ATRN: variants seen among roughly 807,000 people sequenced by gnomAD.
The protein encoded by ATRN is attractin.
ATRN carries 54 observed loss-of-function variants against 178.7 expected under a neutral mutation model. The observed-to-expected ratio is 0.30, with a 90% CI of 0.24 to 0.38. The LOEUF (loss-of-function observed/expected upper bound fraction) is 0.38. Among genes scored for constraint, ATRN ranks in the 10% least tolerant of loss-of-function variants. The probability of loss-of-function intolerance (pLI) is 1.00; values close to 1 mark genes in which losing one functional copy is unlikely to be tolerated. For synonymous variants in ATRN, 636 were observed against 663.0 expected, an observed-to-expected ratio of 0.96 and a Z score of 0.63; for missense variants, 1,443 against 1,815.1, an observed-to-expected ratio of 0.79 and a Z score of 3.73.
Position 3,582,285 on chromosome 20 carries a change from C to T in ATRN, c.2695C>T (p.Pro899Ser), listed in dbSNP as rs1259361425. 6.2e-7 allele frequency: 1 copy of T among 1,612,972 alleles called. No individual in the cohort carries two copies. Among genetic ancestry groups the T allele is most frequent in the East Asian group, 2.2e-5 (1 of 44,878 alleles). Reference sequence around the variant, plus strand: ...TGGATTCTGTGGAATTTTATCAGAACCCAGTACTCGGGGACTGAAGGCTGC... The same window carrying T: ...TGGATTCTGTGGAATTTTATCAGAATCCAGTACTCGGGGACTGAAGGCTGC... ...DAGFCGILSE[P>S]STRGLKAATC... The change falls in exon 16 of 29, where the codon CCC (proline) becomes TCC (serine). Residue 899 changes from proline (P) to serine (S), a missense_variant. By Grantham distance (74) the Pro-to-Ser change is moderately conservative. Around this residue, in one of 4 missense-constraint regions of ATRN, gnomAD observed 212 missense variants for 330.7 expected, o/e 0.64. Transcript: ENST00000262919.
chr20:3,520,968 A>T (rs2085287084), intron 1 of ATRN, among the ~76,000 whole-genome samples: 1 of 152,210 alleles, frequency 6.6e-6, no homozygotes, highest in South Asian at 2.1e-4. Flanking sequence ...CTATATTAAG[A>T]TCGAAGTCGA....
At chr20:3,503,104 G>A (rs1197332429) in intron 1 of ATRN, among the ~76,000 whole-genome samples, 1 of 151,998 alleles carries the variant, frequency 6.6e-6, no homozygotes, top group Non-Finnish European at 1.5e-5. Flanking sequence ...AGTGCCAGCA[G>A]AGACCAATGG....
intron 6 of ATRN, among the ~76,000 whole-genome samples, chr20:3,557,438 GT>G (rs2085892969): frequency 1.3e-5 from 2 of 152,332 alleles, no homozygotes; most frequent in African/African-American, 2.4e-5. Flanking sequence ...TCCAAGAATA[GT>G]GTACCCAGCC....
At position 3,603,982 on chromosome 20, in the gene ATRN, A is replaced by G. The variant is rs866300565; in HGVS notation, c.3644-123A>G. ...AAATGAGATTGAGCTCTTAAAGGCTATTACTGGAACACAGGAAATGTTTGA... is the reference window on the plus strand; with the variant it reads ...AAATGAGATTGAGCTCTTAAAGGCTGTTACTGGAACACAGGAAATGTTTGA... On this transcript the variant is annotated intron_variant, in intron 23 of 28. Transcript: ENST00000262919. The G allele has an allele frequency of 2.2e-4, 172 of 770,112 alleles. 1 individual carries two copies. Among genetic ancestry groups the G allele is most frequent in the South Asian group, 1.4e-3 (58 of 40,720 alleles). The allele number at this position is 770,112 out of a possible 1,614,324, so 47.7% of individuals were successfully genotyped here. A position where few individuals can be genotyped will look rare whatever the true frequency, so the allele number is the denominator to read the frequency against.
chr20:3,474,749 C>G (rs993253620), intron 1 of ATRN, among the ~76,000 whole-genome samples: 1 of 146,752 alleles, frequency 6.8e-6, no homozygotes, highest in Non-Finnish European at 1.5e-5. Context: ...AAATTTTAGT[C>G]GAGGCCAAGC....
At chr20:3,512,479 T>C (rs1393475603) in intron 1 of ATRN, among the ~76,000 whole-genome samples, 1 of 152,204 alleles carries the variant, frequency 6.6e-6, no homozygotes, top group East Asian at 1.9e-4. Flanking sequence ...AGTGTATATG[T>C]GCCACATTTT....
intron 1 of ATRN, among the ~76,000 whole-genome samples, chr20:3,493,791 T>C (rs984400052): frequency 2.0e-5 from 3 of 152,198 alleles, no homozygotes; most frequent in African/African-American, 7.2e-5. Flanking sequence ...TCTTTTCCCA[T>C]ACTGTCATGG....
chr20:3,620,652 G>A (rs1320473911), intron 24 of ATRN, among the ~76,000 whole-genome samples: 1 of 152,250 alleles, frequency 6.6e-6, no homozygotes, highest in Non-Finnish European at 1.5e-5. Context: ...GATAGGGCCT[G>A]AGATTCTGAC....
At chr20:3,483,078 A>G (rs2084643595) in intron 1 of ATRN, among the ~76,000 whole-genome samples, 1 of 152,144 alleles carries the variant, frequency 6.6e-6, no homozygotes, top group Non-Finnish European at 1.5e-5. Flanking sequence ...AGTATGGTGA[A>G]GTTGATGTTT....
Position 3,560,887 on chromosome 20 carries a change from G to C in ATRN, c.1429G>C (p.Val477Leu), listed in dbSNP as rs1230847545. 2.5e-6 allele frequency: 4 copies of C among 1,614,018 alleles called. No homozygotes were observed. The highest frequency in any genetic ancestry group is 3.4e-6 in the Non-Finnish European group (4 of 1,179,982). Residue 477 changes from valine to leucine, a missense_variant, in exon 8 of 29, where the codon GTG becomes CTG. Transcript: ENST00000262919. ...CCCTCTCTATGGATATATAAGCAAT[G>C]TGCAGGAATATGATTTGGGTAGGTA... ...HCPLYGYISN[V>L]QEYDLDKNTW...
chr20:3,646,632 T>G, intron 28 of ATRN, 91 bp from the exon 29 acceptor site: 1 of 1,441,030 alleles, frequency 6.9e-7, no homozygotes, highest in Admixed American at 2.7e-5. Flanking sequence ...TTTTGCACCA[T>G]GGGATTGAAA....
chr20:3,602,572 T>C (rs2086624793), intron 23 of ATRN, among the ~76,000 whole-genome samples: 1 of 152,162 alleles, frequency 6.6e-6, no homozygotes, highest in Admixed American at 6.5e-5. Flanking sequence ...TTGTGTAGAA[T>C]TTGAGAAAAG....
At chr20:3,557,734 T>G (rs2085898176) in intron 6 of ATRN, among the ~76,000 whole-genome samples, 1 of 152,170 alleles carries the variant, frequency 6.6e-6, no homozygotes, top group Admixed American at 6.5e-5. Context: ...TAACAAAAAT[T>G]GGAAGAAGAA....
intron 24 of ATRN, among the ~76,000 whole-genome samples, chr20:3,607,433 G>A (rs1265526144): frequency 6.6e-6 from 1 of 152,100 alleles, no homozygotes; most frequent in Non-Finnish European, 1.5e-5. Context: ...ACCTCCATGA[G>A]ATCAGTTTTT....
chr20:3,526,390 T>C (rs1166841628), intron 1 of ATRN, among the ~76,000 whole-genome samples: 2 of 152,090 alleles, frequency 1.3e-5, no homozygotes, highest in Non-Finnish European at 2.9e-5. Context: ...TTACAAGGGA[T>C]GTGAAGGACC....
At position 3,540,351 on chromosome 20, in the gene ATRN, C is replaced by G. The variant is rs1166503996; in HGVS notation, c.608+16C>G. 5.5e-6 allele frequency: 8 copies of G among 1,463,006 alleles called. No homozygotes were observed. Among genetic ancestry groups the G allele is most frequent in the Non-Finnish European group, 7.6e-6 (8 of 1,058,876 alleles). 90.6% of individuals were successfully genotyped at this position (1,463,006 alleles called of 1,614,324 possible). ...CTGCATTTAGGTAAGCTCAGTCTTA[C>G]AAGCCTTCTTTCATCGTTTGATTTC... is the stretch of plus-strand genomic sequence containing the variant. On this transcript the variant is annotated intron_variant, in intron 3 of 28. Coordinates refer to ENST00000262919, the MANE Select transcript of ATRN (RefSeq NM_139321.3).
intron 16 of ATRN, among the ~76,000 whole-genome samples, chr20:3,583,347 G>A (rs2086307076): frequency 6.6e-6 from 1 of 152,354 alleles, no homozygotes; most frequent in South Asian, 2.1e-4. Flanking sequence ...TTTATGGAAA[G>A]ATTCACTGTT....
chr20:3,615,525 G>A (rs1488059224), intron 24 of ATRN, among the ~76,000 whole-genome samples: 3 of 150,528 alleles, frequency 2.0e-5, no homozygotes, highest in African/African-American at 4.9e-5. Flanking sequence ...ATGCTTTTAA[G>A]TACAGTTTAA....
chr20:3,535,333 G>T lies in ATRN; in HGVS notation c.491G>T (p.Gly164Val), dbSNP rs932890371. The T allele has an allele frequency of 5.9e-6, 9 of 1,524,526 alleles. No individual in the cohort carries two copies. Among genetic ancestry groups the T allele is most frequent in the African/African-American group, 5.6e-5 (4 of 71,920 alleles). The allele number at this position is 1,524,526 out of a possible 1,614,324, so 94.4% of individuals were successfully genotyped here. A position where few individuals can be genotyped will look rare whatever the true frequency, so the allele number is the denominator to read the frequency against. ...ACGAAGTGCACGTGGCTCATTGAAGGACAGTAAGTAGAAATGGCTGACTTA... is the reference window on the plus strand; with the variant it reads ...ACGAAGTGCACGTGGCTCATTGAAGTACAGTAAGTAGAAATGGCTGACTTA... ...YKTKCTWLIEGQPNRIMRLRF... is the reference protein window; with the variant it reads ...YKTKCTWLIEVQPNRIMRLRF... The change falls in exon 2 of 29, where the codon GGA becomes GTA. Residue 164 changes from glycine to valine, a missense_variant. Physicochemically the swap from Gly to Val is moderately radical, Grantham distance 109. Around this residue, in one of 4 missense-constraint regions of ATRN, gnomAD observed 862 missense variants for 972.1 expected, o/e 0.89. Coordinates refer to ENST00000262919, the MANE Select transcript of ATRN (RefSeq NM_139321.3).
Sources: gnomAD v4.1 joint callset for allele counts (sites outside exome capture counted in the v4.1 genomes callset) on GRCh38, gnomAD v4.1.1 for gene constraint, gnomAD v4.1.1 regional missense constraint, MANE v1.5 for transcripts, NCBI Gene and HGNC (gene_info 2026-07-23, HGNC 2026-07-21) for gene names.